The following RAB3C variants were observed in gnomAD, a reference collection of about 807,000 sequenced individuals.
RAB3C encodes ras-related protein Rab-3C.
Under a neutral mutation model 26.4 loss-of-function variants are expected in RAB3C, and 17 were observed. The ratio of observed to expected loss-of-function variants is 0.64; its 90% confidence interval spans 0.44 to 0.97. RAB3C has a LOEUF of 0.97. RAB3C is among the 50% of genes least tolerant of loss of function. The pLI, the probability that RAB3C is intolerant of heterozygous loss-of-function variation, is 0.00. For missense variants in RAB3C, 242 were observed against 281.9 expected (o/e 0.86, Z 1.01); for synonymous variants, 91 against 95.9 (o/e 0.95, Z 0.30).
At chr5:58,659,304 T>G (rs1747847603) in intron 2 of RAB3C, among the ~76,000 whole-genome samples, 1 of 152,202 alleles carries the variant, frequency 6.6e-6, no homozygotes, top group Admixed American at 6.5e-5. Flanking sequence ...GAAGTGAAAT[T>G]ATATGTCTTC....
intron 3 of RAB3C, among the ~76,000 whole-genome samples, chr5:58,787,050 A>G (rs1211671628): frequency 6.6e-6 from 1 of 152,116 alleles, no homozygotes; most frequent in Non-Finnish European, 1.5e-5. Context: ...ACTCCTTCTC[A>G]GATCTTAAAG....
chr5:58,846,404 G>A (rs1561150910), intron 4 of RAB3C, among the ~76,000 whole-genome samples: 1 of 152,080 alleles, frequency 6.6e-6, no homozygotes, highest in Non-Finnish European at 1.5e-5. Context: ...AGCACTTCAG[G>A]TGATTTGCTC....
intron 4 of RAB3C, among the ~76,000 whole-genome samples, chr5:58,842,535 T>C (rs2112081267): frequency 6.6e-6 from 1 of 152,372 alleles, no homozygotes; most frequent in African/African-American, 2.4e-5. Context: ...CTTGGTACTA[T>C]GCCCTATTGT....
At chr5:58,737,428 T>C (rs1378757026) in intron 3 of RAB3C, among the ~76,000 whole-genome samples, 4 of 110,648 alleles carry the variant, frequency 3.6e-5, no homozygotes, top group African/African-American at 1.5e-4. Flanking sequence ...TATATATATA[T>C]ATATATATAT....
chr5:58,586,533 G>A (rs1746011370), intron 1 of RAB3C, among the ~76,000 whole-genome samples: 1 of 152,034 alleles, frequency 6.6e-6, no homozygotes, highest in East Asian at 1.9e-4. Context: ...TTTAAAAATG[G>A]TTTGCTTCTA....
intron 2 of RAB3C, among the ~76,000 whole-genome samples, chr5:58,644,956 A>G (rs943017332): frequency 2.0e-5 from 3 of 152,210 alleles, no homozygotes; most frequent in African/African-American, 4.8e-5. Flanking sequence ...TGATTTGGCT[A>G]TTTCTTGGTT....
intron 2 of RAB3C, among the ~76,000 whole-genome samples, chr5:58,716,182 A>G (rs1421530386): frequency 6.6e-6 from 1 of 152,026 alleles, no homozygotes; most frequent in Admixed American, 6.6e-5. Context: ...ACTGCTGGAT[A>G]TGGTAGTGAT....
In RAB3C at chr5:58,857,927, C is replaced by T. The variant is rs150888828; in HGVS notation, c.*6576C>T. ...TATGTGAATTTTAAATTAGAATAACCGTCTTAAACTCCTACTTGCCATTTC... is the reference window on the plus strand; with the variant it reads ...TATGTGAATTTTAAATTAGAATAACTGTCTTAAACTCCTACTTGCCATTTC... On this transcript the variant is annotated 3_prime_UTR_variant, in exon 5 of 5. Coordinates refer to ENST00000282878, the MANE Select transcript of RAB3C (RefSeq NM_138453.4). 44 of 152,224 alleles carry T rather than the reference C, an allele frequency of 2.9e-4. No individual in the cohort carries two copies. Among genetic ancestry groups the T allele is most frequent in the East Asian group, 1.9e-3 (10 of 5,194 alleles). The allele number at this position is 152,224 out of a possible 1,614,324, so 9.4% of individuals were successfully genotyped here.
intron 2 of RAB3C, among the ~76,000 whole-genome samples, chr5:58,709,281 C>A (rs1271496031): frequency 6.6e-6 from 1 of 152,144 alleles, no homozygotes; most frequent in East Asian, 1.9e-4. Flanking sequence ...TTATCATTTT[C>A]AAAAGCAGCA....
intron 3 of RAB3C, among the ~76,000 whole-genome samples, chr5:58,774,719 TC>T (rs1202116090): frequency 6.6e-6 from 1 of 152,090 alleles, no homozygotes; most frequent in Non-Finnish European, 1.5e-5. Flanking sequence ...TAGGTGACAT[TC>T]AAGCCATGAT....
intron 2 of RAB3C, among the ~76,000 whole-genome samples, chr5:58,706,058 TTAAAAATGCAAA>T (rs1171105121): frequency 6.6e-5 from 10 of 152,216 alleles, no homozygotes; most frequent in African/African-American, 2.4e-4. Context: ...AGATGAATTT[TTAAAAATGCAAA>T]TAAAAATAAT....
intron 3 of RAB3C, among the ~76,000 whole-genome samples, chr5:58,813,621 TATATATATATATACAC>T (rs373641881): frequency 0.53 from 45,496 of 86,580 alleles, 9,082 homozygotes; most frequent in Middle Eastern, 0.62. Context: ...TATATATATA[TATATATATATATACAC>T]ACACACACAC....
chr5:58,583,263 A>T (rs1269845947), intron 1 of RAB3C, 31 bp downstream of exon 1: 1 of 1,613,916 alleles, frequency 6.2e-7, no homozygotes, highest in South Asian at 1.1e-5. Context: ...TGGCCTCGGG[A>T]GGAATTGAAA....
chr5:58,804,233 A>G (rs1742881751), intron 3 of RAB3C, among the ~76,000 whole-genome samples: 1 of 152,058 alleles, frequency 6.6e-6, no homozygotes, highest in Admixed American at 6.5e-5. Flanking sequence ...ATAAGTAGTG[A>G]CCAGCTATAT....
At chr5:58,741,608 A>T (rs1387203851) in intron 3 of RAB3C, 4 of 152,238 alleles carry the variant, frequency 2.6e-5, no homozygotes, top group African/African-American at 9.6e-5. Context: ...TTTATTACAC[A>T]ATAATAAACA....
intron 2 of RAB3C, among the ~76,000 whole-genome samples, chr5:58,641,473 T>C (rs1170850643): frequency 6.6e-6 from 1 of 152,238 alleles, no homozygotes; most frequent in Non-Finnish European, 1.5e-5. Context: ...AACTAAATTA[T>C]AAATGAAAAA....
intron 3 of RAB3C, among the ~76,000 whole-genome samples, chr5:58,747,484 T>C (rs1006406045): frequency 6.6e-6 from 1 of 152,170 alleles, no homozygotes; most frequent in African/African-American, 2.4e-5. Flanking sequence ...TCCGTTAAAC[T>C]TCCCTTTCAC....
At chr5:58,585,408 A>G (rs1019943833) in intron 1 of RAB3C, among the ~76,000 whole-genome samples, 3 of 151,894 alleles carry the variant, frequency 2.0e-5, no homozygotes, top group African/African-American at 4.8e-5. Flanking sequence ...TTTTTCATTT[A>G]AAGACTGAAC....
intron 3 of RAB3C, among the ~76,000 whole-genome samples, chr5:58,801,875 G>C (rs888556015): frequency 1.3e-5 from 2 of 152,214 alleles, no homozygotes; most frequent in African/African-American, 4.8e-5. Flanking sequence ...CAGCTTTCTA[G>C]CTATGGCTCC....
Sources: allele counts gnomAD v4.1 joint callset (sites outside exome capture counted in the v4.1 genomes callset), GRCh38; gene constraint gnomAD v4.1.1; transcripts MANE v1.5; gene names NCBI Gene and HGNC (gene_info 2026-07-23, HGNC 2026-07-21).